FRMPD1: variants seen among roughly 807,000 people sequenced by gnomAD.
FRMPD1 encodes FERM and PDZ domain containing 1, also known as FERM and PDZ domain-containing protein 1.
FRMPD1 carries 76 observed loss-of-function variants against 117.8 expected under a neutral mutation model. The observed-to-expected ratio is 0.65, with a 90% CI of 0.54 to 0.78. The LOEUF (loss-of-function observed/expected upper bound fraction) is 0.78. FRMPD1 is among the 30% of genes least tolerant of loss of function. The probability of loss-of-function intolerance (pLI) is 0.00; values close to 1 mark genes in which losing one functional copy is unlikely to be tolerated. For missense variants in FRMPD1, 1,786 were observed against 1,964.5 expected (o/e 0.91, Z 1.72); for synonymous variants, 783 against 770.4 (o/e 1.02, Z -0.27).
chr9:37,698,727 A>G (rs184403882), intron 2 of FRMPD1, among the ~76,000 whole-genome samples: 11 of 150,278 alleles, frequency 7.3e-5, no homozygotes, highest in Non-Finnish European at 1.5e-4. Context: ...ACACCTGGCT[A>G]ATTTTTGTAT....
the FRMPD1 span, chr9:37,637,376 T>C: frequency 1.4e-6 from 1 of 721,314 alleles, no homozygotes; most frequent in Non-Finnish European, 2.5e-6. Context: ...CGATGTTTTT[T>C]CAATTTTAGA....
intron 4 of FRMPD1, among the ~76,000 whole-genome samples, chr9:37,709,143 G>T (rs1344049968): frequency 6.6e-6 from 1 of 152,150 alleles, no homozygotes; most frequent in Non-Finnish European, 1.5e-5. Flanking sequence ...GCCATTGATA[G>T]GAGTGAAGAG....
At position 37,672,393 on chromosome 9, in the gene FRMPD1, G is replaced by T. The variant is rs200017452; in HGVS notation, c.-4-20245G>T. Among the ~76,000 whole-genome samples, 3 of 86,274 alleles carry T rather than the reference G, an allele frequency of 3.5e-5. No individual in the cohort carries two copies. In the East Asian group the frequency reaches 2.1e-3, roughly 60 times the overall value. The allele number at this position is 86,274 out of a possible 152,430, so 56.6% of individuals were successfully genotyped here. Reference sequence around the variant, plus strand: ...CAGAGGAAAGTGAAGAGGCTTGAGAGGGGGAGTGGGGCCTGCACAGGTAGG... The same window carrying T: ...CAGAGGAAAGTGAAGAGGCTTGAGATGGGGAGTGGGGCCTGCACAGGTAGG... On this transcript the variant is annotated intron_variant, in intron 1 of 15. Transcript: ENST00000377765.
chr9:37,718,969 A>G, intron 5 of FRMPD1, 100 bp from the exon 6 acceptor site: 2 of 717,648 alleles, frequency 2.8e-6, no homozygotes, highest in Non-Finnish European at 5.1e-6. Flanking sequence ...TTGAATCTGC[A>G]ACAGCTATCA....
At chr9:37,732,486 G>A in intron 10 of FRMPD1, 46 bp downstream of exon 10, 1 of 1,553,508 alleles carries the variant, frequency 6.4e-7, no homozygotes, top group South Asian at 1.2e-5. Flanking sequence ...TAACTTGCTG[G>A]CCCCTGGCCA....
At position 37,733,455 on chromosome 9, in the gene FRMPD1, T is replaced by C; in HGVS notation, c.996-18T>C. ...CCCTGTAGAAATGGGCCTCCTTGTC[T>C]CCAATGTCTCATGGCAGGAAAGACT... On this transcript the variant is annotated intron_variant, in intron 10 of 15. Transcript: ENST00000377765. 6.2e-7 allele frequency: 1 copy of C among 1,609,274 alleles called. No individual in the cohort carries two copies. Among genetic ancestry groups the C allele is most frequent in the Non-Finnish European group, 8.5e-7 (1 of 1,178,384 alleles).
the FRMPD1 span, among the ~76,000 whole-genome samples, chr9:37,642,618 G>A: frequency 6.6e-6 from 1 of 152,076 alleles, no homozygotes. Flanking sequence ...ACGATTTGTG[G>A]GATCCATAAT....
chr9:37,637,626 T>C, the FRMPD1 span, among the ~76,000 whole-genome samples: 1 of 152,212 alleles, frequency 6.6e-6, no homozygotes, highest in South Asian at 2.1e-4. Flanking sequence ...ATAGAGTATG[T>C]AGCTTTTGAG....
At position 37,732,400 on chromosome 9, in the gene FRMPD1, G is replaced by A. The variant is rs753441890; in HGVS notation, c.955G>A (p.Ala319Thr). The change falls in exon 10 of 16, where the codon GCC (alanine) becomes ACC (threonine). Residue 319 changes from alanine (A) to threonine (T), a missense_variant. By Grantham distance (58) the Ala-to-Thr change is moderately conservative (BLOSUM62 0). Coordinates refer to ENST00000377765, the MANE Select transcript of FRMPD1 (RefSeq NM_014907.3). ...TCTGCACATCCAGGAACGGATCTAC[G>A]CCTGTGCCCAGCCACAGAAGATCTC... ...AALHIQERIY[A>T]CAQPQKISLK... 15 of 1,613,508 alleles carry A rather than the reference G, an allele frequency of 9.3e-6. No individual in the cohort carries two copies. Among genetic ancestry groups the A allele is most frequent in the South Asian group, 8.8e-5 (8 of 91,072 alleles).
intron 1 of FRMPD1, among the ~76,000 whole-genome samples, chr9:37,687,219 G>T (rs1821981336): frequency 6.6e-6 from 1 of 152,184 alleles, no homozygotes; most frequent in South Asian, 2.1e-4. Flanking sequence ...CTGAGCTGGA[G>T]TCCCCCACGC....
Position 37,719,125 on chromosome 9 carries a change from C to T in FRMPD1, c.465C>T (p.Asn155=), listed in dbSNP as rs752583725. 3 of 1,613,672 alleles carry T rather than the reference C, an allele frequency of 1.9e-6. No homozygotes were observed. The South Asian group carries it at 3.3e-5, about 18-fold the overall frequency. Residue 155 remains asparagine (N), a synonymous_variant, in exon 6 of 16, where the codon AAC becomes AAT. Transcript: ENST00000377765. ...AGAAGAGAGCCAGACTGAAGACCAA[C>T]CCCGTGAAGGTGCACTTTGCTGAAG... ...TEEKRARLKT[N]PVKVHFAEEV... is the part of the protein sequence containing the mutation.
intron 5 of FRMPD1, among the ~76,000 whole-genome samples, chr9:37,716,871 A>C (rs1823143145): frequency 6.6e-6 from 1 of 152,034 alleles, no homozygotes; most frequent in African/African-American, 2.4e-5. Flanking sequence ...TTGCCCCCCA[A>C]ATTCTTGCTG....
intron 7 of FRMPD1, among the ~76,000 whole-genome samples, chr9:37,726,110 A>G (rs1253089894): frequency 6.6e-6 from 1 of 152,250 alleles, no homozygotes; most frequent in Non-Finnish European, 1.5e-5. Flanking sequence ...CCAGTATAAT[A>G]CTGGTTAATC....
In FRMPD1 at chr9:37,744,460, G is replaced by A. The variant is rs542877674; in HGVS notation, c.2428G>A (p.Glu810Lys). ...GAATAAGGCCAGCACTTCTAGCCCTGAGAACAGCCTGCCTTGTGGGCCAGA... is the reference window on the plus strand; with the variant it reads ...GAATAAGGCCAGCACTTCTAGCCCTAAGAACAGCCTGCCTTGTGGGCCAGA... ...LQNKASTSSPENSLPCGPDGR... is the reference protein window; with the variant it reads ...LQNKASTSSPKNSLPCGPDGR... The change falls in exon 16 of 16, where the codon GAG becomes AAG. Residue 810 changes from glutamate to lysine, a missense_variant. Glu to Lys is a moderately conservative substitution (Grantham distance 56). Coordinates refer to ENST00000377765, the MANE Select transcript of FRMPD1 (RefSeq NM_014907.3). 3 of 1,614,106 alleles carry A rather than the reference G, an allele frequency of 1.9e-6. No individual in the cohort carries two copies. The East Asian group carries it at 6.7e-5, about 36-fold the overall frequency.
chr9:37,737,317 G>A, intron 14 of FRMPD1, 74 bp downstream of exon 14: 1 of 1,408,176 alleles, frequency 7.1e-7, no homozygotes, highest in African/African-American at 1.4e-5. Flanking sequence ...AGCCTAAAGG[G>A]AGGTGGTGAA....
intron 1 of FRMPD1, chr9:37,662,071 A>G (rs1412813517): frequency 6.6e-6 from 1 of 152,190 alleles, no homozygotes; most frequent in Non-Finnish European, 1.5e-5. Context: ...ACAGAATACC[A>G]CAGACTGGGT....
At chr9:37,608,880 G>A in the FRMPD1 span, among the ~76,000 whole-genome samples, 3 of 152,328 alleles carry the variant, frequency 2.0e-5, no homozygotes, top group East Asian at 1.9e-4. Context: ...GCATTATTAT[G>A]TAGGTGTTAT....
intron 1 of FRMPD1, among the ~76,000 whole-genome samples, chr9:37,679,231 G>A (rs1821637699): frequency 6.6e-6 from 1 of 152,262 alleles, no homozygotes; most frequent in African/African-American, 2.4e-5. Context: ...CTGGTGGCCA[G>A]AAGCATTTGG....
rs1346905768 is a variant in FRMPD1, at chr9:37,724,317, G to A, written c.609G>A (p.Val203=). Residue 203 remains valine (V), a synonymous_variant, in exon 7 of 16, where the codon GTG becomes GTA. Transcript: ENST00000377765. ...TCAAGTTTGAGGCAAACACAACCGTGAAGGTATTAAGAATAAACTTGAACT... is the reference window on the plus strand; with the variant it reads ...TCAAGTTTGAGGCAAACACAACCGTAAAGGTATTAAGAATAAACTTGAACT... The part of the protein sequence containing the change: ...KAFKFEANTT[V]KDIILTVKEK... The A allele has an allele frequency of 6.6e-7, 1 of 1,522,936 alleles. No individual in the cohort carries two copies. Among genetic ancestry groups the A allele is most frequent in the Non-Finnish European group, 9.1e-7 (1 of 1,096,752 alleles). 94.3% of individuals were successfully genotyped at this position (1,522,936 alleles called of 1,614,324 possible).
Sources: gnomAD v4.1 joint callset for allele counts (sites outside exome capture counted in the v4.1 genomes callset) on GRCh38, gnomAD v4.1.1 for gene constraint, MANE v1.5 for transcripts, NCBI Gene and HGNC (gene_info 2026-07-23, HGNC 2026-07-21) for gene names.